PCDHAC2: variants seen among roughly 807,000 people sequenced by gnomAD.
PCDHAC2 encodes the protein protocadherin alpha-C2.
PCDHAC2 carries 24 observed loss-of-function variants against 63.3 expected under a neutral mutation model. The observed-to-expected ratio is 0.38, with a 90% CI of 0.27 to 0.53. The LOEUF (loss-of-function observed/expected upper bound fraction) is 0.53, where lower values mean the gene tolerates loss of function less well. PCDHAC2 is among the 20% of genes least tolerant of loss of function. PCDHAC2 has a pLI of 0.81. For missense variants in PCDHAC2, 1,181 were observed against 1,275.2 expected (o/e 0.93, Z 1.12); for synonymous variants, 569 against 529.4 (o/e 1.07, Z -1.03).
At chr5:140,990,662 T>C (rs1554251660) in intron 3 of PCDHAC2, among the ~76,000 whole-genome samples, 1 of 152,182 alleles carries the variant, frequency 6.6e-6, no homozygotes, top group African/African-American at 2.4e-5. Context: ...ATGATTTACA[T>C]TAGATGCACA....
intron 3 of PCDHAC2, among the ~76,000 whole-genome samples, chr5:141,000,421 A>ATATT (rs1265241806): frequency 1.1e-4 from 3 of 27,978 alleles, no homozygotes; most frequent in Non-Finnish European, 1.7e-4. Flanking sequence ...ATATATATAT[A>ATATT]TTTTTTTTTT....
At chr5:140,982,608 T>C (rs782789536) in intron 3 of PCDHAC2, 45 bp downstream of exon 3, 1 of 1,601,306 alleles carries the variant, frequency 6.2e-7, no homozygotes, top group Non-Finnish European at 8.5e-7. Flanking sequence ...TTCTGGAAAG[T>C]GATCAGATGA....
chr5:140,966,806 C>T lies in PCDHAC2; in HGVS notation c.40C>T (p.Pro14Ser). The change falls in exon 1 of 4, where the codon CCA becomes TCA. Residue 14 changes from proline to serine, a missense_variant. Pro to Ser is a moderately conservative substitution (Grantham distance 74). This residue lies in a region of PCDHAC2 where 210 missense variants were observed against 184.9 expected (regional missense o/e 1.14). Coordinates refer to ENST00000289269, the MANE Select transcript of PCDHAC2 (RefSeq NM_018899.6). ...CACCAGACCTGCGGCGACAGAGCAT[C>T]CACGGCTCCGGCGGCCCATGCCCTG... ...AGTRPAATEH[P>S]RLRRPMPWLL... 1 of 1,546,832 alleles carries T rather than the reference C, an allele frequency of 6.5e-7. No homozygotes were observed. Among genetic ancestry groups the T allele is most frequent in the Non-Finnish European group, 8.7e-7 (1 of 1,150,102 alleles).
Position 140,968,661 on chromosome 5 carries a change from T to C in PCDHAC2, c.1895T>C (p.Leu632Pro), listed in dbSNP as rs1554230945. Residue 632 changes from leucine (L) to proline (P), a missense_variant, in exon 1 of 4, where the codon CTC (leucine) becomes CCC (proline). This residue lies in a region of PCDHAC2 where 968 missense variants were observed against 1,073.5 expected (regional missense o/e 0.90). Coordinates refer to ENST00000289269, the MANE Select transcript of PCDHAC2 (RefSeq NM_018899.6). ...YHLAQTSDLD[L>P]FKVELHTGEI... ...CTAGCCCAGACTTCTGACCTGGACC[T>C]CTTTAAGGTAGAGCTGCACACAGGA... 1 of 1,614,182 alleles carries C rather than the reference T, an allele frequency of 6.2e-7. No homozygotes were observed. Among genetic ancestry groups the C allele is most frequent in the East Asian group, 2.2e-5 (1 of 44,866 alleles).
rs782564165 is a variant in PCDHAC2, at chr5:141,010,450, G to A, written c.*513G>A. ...AAGAAAACAAAGACAAATAAACAGC[G>A]GAAGTTATCAGTATGGAGGGGAAGT... On this transcript the variant is annotated 3_prime_UTR_variant, in exon 4 of 4. Transcript: ENST00000289269. The A allele has an allele frequency of 6.5e-6, 6 of 920,764 alleles. No individual in the cohort carries two copies. The East Asian group carries it at 8.2e-5, about 13-fold the overall frequency. 57.0% of individuals were successfully genotyped at this position (920,764 alleles called of 1,614,324 possible).
In PCDHAC2 at chr5:140,995,570, A is replaced by T. The variant is rs186345842; in HGVS notation, c.2713+13007A>T. ...TCACTGTACTGAATAATATGTCAAG[A>T]TGAGCTATGAGCTTTTAACTTAGTG... is the stretch of plus-strand genomic sequence containing the variant. On this transcript the variant is annotated intron_variant, in intron 3 of 3. Transcript: ENST00000289269. Among the ~76,000 whole-genome samples, 3 of 152,328 alleles carry T rather than the reference A, an allele frequency of 2.0e-5. No homozygotes were observed. In the East Asian group the frequency reaches 5.8e-4, roughly 29 times the overall value.
At chr5:140,979,120 T>A in intron 2 of PCDHAC2, 113 bp downstream of exon 2, 1 of 1,497,648 alleles carries the variant, frequency 6.7e-7, no homozygotes, top group Non-Finnish European at 8.9e-7. Flanking sequence ...CTTTAGGTAC[T>A]TTGCCAGGAA....
At chr5:141,003,368 G>C (rs2098121009) in intron 3 of PCDHAC2, among the ~76,000 whole-genome samples, 1 of 152,190 alleles carries the variant, frequency 6.6e-6, no homozygotes, top group Non-Finnish European at 1.5e-5. Flanking sequence ...CTGGAGTGCA[G>C]TGGTGCAATC....
chr5:140,994,303 C>T (rs13163241), intron 3 of PCDHAC2, among the ~76,000 whole-genome samples: 9,825 of 152,220 alleles, frequency 0.065, 357 homozygotes, highest in East Asian at 0.12. Flanking sequence ...ATTGTTTTCA[C>T]AGGGCCCAAA....
chr5:140,980,614 G>T (rs2153822225), intron 2 of PCDHAC2, among the ~76,000 whole-genome samples: 1 of 152,088 alleles, frequency 6.6e-6, no homozygotes, highest in Admixed American at 6.5e-5. Context: ...TGGCGACAGT[G>T]CGAGACTCTG....
chr5:140,980,432 C>A (rs1228010505), intron 2 of PCDHAC2, among the ~76,000 whole-genome samples: 1 of 152,118 alleles, frequency 6.6e-6, no homozygotes, highest in East Asian at 1.9e-4. Context: ...GAGATCGAGA[C>A]CATCCTGGAC....
intron 1 of PCDHAC2, among the ~76,000 whole-genome samples, chr5:140,969,908 TG>T (rs2096368267): frequency 6.6e-6 from 1 of 152,184 alleles, no homozygotes; most frequent in Non-Finnish European, 1.5e-5. Flanking sequence ...ATGTCACAAG[TG>T]ATAAAGCTGT....
intron 3 of PCDHAC2, among the ~76,000 whole-genome samples, chr5:140,998,290 C>T (rs782194130): frequency 3.9e-5 from 6 of 152,180 alleles, no homozygotes; most frequent in Admixed American, 2.6e-4. Context: ...TAAATCAGAT[C>T]ACACATTTAG....
At chr5:141,007,933 A>T (rs1168610845) in intron 3 of PCDHAC2, among the ~76,000 whole-genome samples, 1 of 152,212 alleles carries the variant, frequency 6.6e-6, no homozygotes, top group African/African-American at 2.4e-5. Context: ...TGGAATTCTA[A>T]GCCACCTTTT....
In PCDHAC2 at chr5:140,982,208, G is replaced by A. The variant is rs146224628; in HGVS notation, c.2625-267G>A. 246 of 434,966 alleles carry A rather than the reference G, an allele frequency of 5.7e-4. 1 individual carries two copies. The highest frequency in any genetic ancestry group is 7.4e-4 in the Non-Finnish European group (200 of 268,658). 26.9% of individuals were successfully genotyped at this position (434,966 alleles called of 1,614,324 possible). ...GGGCTTCCTGTTAGATTTAGTGAGC[G>A]CCACATGGCGTTAATAAAAAACAGA... On this transcript the variant is annotated intron_variant, in intron 2 of 3. Coordinates refer to ENST00000289269, the MANE Select transcript of PCDHAC2 (RefSeq NM_018899.6).
At position 141,011,145 on chromosome 5, in the gene PCDHAC2, TCTC is replaced by T. The variant is rs1410974061; in HGVS notation, c.*1209_*1211del. The T allele has an allele frequency of 6.5e-6, 1 of 153,734 alleles. No individual in the cohort carries two copies. Among genetic ancestry groups the T allele is most frequent in the Non-Finnish European group, 1.5e-5 (1 of 68,036 alleles). 9.5% of individuals were successfully genotyped at this position (153,734 alleles called of 1,614,324 possible). A position where few individuals can be genotyped will look rare whatever the true frequency, so the allele number is the denominator to read the frequency against. On this transcript the variant is annotated 3_prime_UTR_variant, in exon 4 of 4. Transcript: ENST00000289269. Reference sequence around the variant, plus strand: ...TTATGTGCACTTTGATACACAACCTTCTCTAACCAACTATATATCAAGACCCAA... The same window carrying T: ...TTATGTGCACTTTGATACACAACCTTTAACCAACTATATATCAAGACCCAA...
intron 3 of PCDHAC2, among the ~76,000 whole-genome samples, chr5:140,998,715 C>T (rs535565356): frequency 2.6e-5 from 4 of 152,236 alleles, no homozygotes; most frequent in African/African-American, 9.6e-5. Flanking sequence ...CAAGCTTGCA[C>T]CACCACGCTA....
intron 1 of PCDHAC2, among the ~76,000 whole-genome samples, chr5:140,975,701 T>A (rs2153808072): frequency 6.6e-6 from 1 of 152,358 alleles, no homozygotes; most frequent in East Asian, 1.9e-4. Flanking sequence ...AAACTTATTT[T>A]ACTTTAAATC....
intron 3 of PCDHAC2, among the ~76,000 whole-genome samples, chr5:140,993,462 TCACACACACACACA>T (rs3836747): frequency 0.028 from 4,017 of 141,026 alleles, 179 homozygotes; most frequent in African/African-American, 0.099. Context: ...TCTTTCTTTC[TCACACACACACACA>T]CACACACACA....
Sources: gnomAD v4.1 joint callset for allele counts (sites outside exome capture counted in the v4.1 genomes callset) on GRCh38, gnomAD v4.1.1 for gene constraint, gnomAD v4.1.1 regional missense constraint, MANE v1.5 for transcripts, NCBI Gene and HGNC (gene_info 2026-07-23, HGNC 2026-07-21) for gene names.